Variants in TTC27 observed in about 807,000 individuals in gnomAD.
TTC27 encodes tetratricopeptide repeat protein 27.
TTC27 carries 79 observed loss-of-function variants against 115.9 expected under a neutral mutation model. That is an observed-to-expected ratio of 0.68 (90% confidence interval 0.57 to 0.82). TTC27 has a LOEUF of 0.82. Among genes scored for constraint, TTC27 ranks in the 40% least tolerant of loss-of-function variants. The probability of loss-of-function intolerance (pLI) is 0.00; values close to 1 mark genes in which losing one functional copy is unlikely to be tolerated. For missense variants in TTC27, 1,054 were observed against 993.1 expected, an observed-to-expected ratio of 1.06 and a Z score of -0.82; for synonymous variants, 401 against 356.0, an observed-to-expected ratio of 1.13 and a Z score of -1.42.
At chr2:32,746,890 C>G (rs1572572209) in intron 12 of TTC27, among the ~76,000 whole-genome samples, 2 of 152,146 alleles carry the variant, frequency 1.3e-5, no homozygotes, top group Non-Finnish European at 2.9e-5. Context: ...CAGCATTGCC[C>G]TTGGGAAAGA....
intron 18 of TTC27, among the ~76,000 whole-genome samples, chr2:32,816,712 A>G (rs963547680): frequency 6.6e-6 from 1 of 152,176 alleles, no homozygotes; most frequent in Non-Finnish European, 1.5e-5. Flanking sequence ...CGTTCTCTAC[A>G]TGAAGACACA....
intron 14 of TTC27, among the ~76,000 whole-genome samples, chr2:32,781,625 C>T (rs1670182162): frequency 1.3e-5 from 2 of 151,806 alleles, no homozygotes; most frequent in South Asian, 4.2e-4. Context: ...AAAAAAAAAT[C>T]AATGGAGATG....
At chr2:32,668,485 G>GT (rs963086415) in intron 7 of TTC27, among the ~76,000 whole-genome samples, 6 of 148,722 alleles carry the variant, frequency 4.0e-5, no homozygotes, top group South Asian at 2.1e-4. Context: ...AATTTTAATC[G>GT]TTTTTTTGCT....
At chr2:32,778,196 G>A (rs762292312) in intron 14 of TTC27, among the ~76,000 whole-genome samples, 10 of 152,086 alleles carry the variant, frequency 6.6e-5, no homozygotes, top group African/African-American at 9.7e-5. Context: ...CAATTTTCTT[G>A]TTAAAAATAT....
At chr2:32,726,035 G>A (rs1572552345) in intron 10 of TTC27, among the ~76,000 whole-genome samples, 1 of 151,958 alleles carries the variant, frequency 6.6e-6, no homozygotes, top group South Asian at 2.1e-4. Context: ...GGGACACAGG[G>A]CACCAAGTCC....
chr2:32,782,766 C>T (rs1465425066), intron 15 of TTC27, 88 bp downstream of exon 15: 3 of 1,043,088 alleles, frequency 2.9e-6, no homozygotes, highest in Admixed American at 2.1e-5. Flanking sequence ...CAATGTTTCT[C>T]CTTGTTTTAC....
At chr2:32,724,552 C>T (rs1397792790) in intron 10 of TTC27, among the ~76,000 whole-genome samples, 1 of 151,970 alleles carries the variant, frequency 6.6e-6, no homozygotes, top group African/African-American at 2.4e-5. Context: ...ATTATTTTGT[C>T]ATCTTTACCC....
In TTC27 at chr2:32,743,442, G is replaced by C. The variant is rs917085611; in HGVS notation, c.1452+6626G>C. On this transcript the variant is annotated intron_variant, in intron 12 of 19. Transcript: ENST00000317907. ...GAGTGCTTCCTGGAATCCTAGTGGT[G>C]CTTAGGGTAGGATCTTCTCTCCCAC... Among the ~76,000 whole-genome samples, 7 of 152,138 alleles carry C rather than the reference G, an allele frequency of 4.6e-5. No individual in the cohort carries two copies. The East Asian group carries it at 1.3e-3, about 29-fold the overall frequency.
chr2:32,762,427 G>A (rs1447919339), intron 13 of TTC27, among the ~76,000 whole-genome samples: 6 of 151,970 alleles, frequency 3.9e-5, no homozygotes, highest in Non-Finnish European at 8.8e-5. Context: ...GCTGTGAAAC[G>A]TCTTCAATGT....
At chr2:32,678,357 T>C (rs1666293208) in intron 8 of TTC27, among the ~76,000 whole-genome samples, 1 of 152,084 alleles carries the variant, frequency 6.6e-6, no homozygotes, top group African/African-American at 2.4e-5. Context: ...TTATACCTTA[T>C]ATCTTTGACA....
intron 5 of TTC27, among the ~76,000 whole-genome samples, chr2:32,656,632 C>T (rs554204508): frequency 1.3e-5 from 2 of 152,172 alleles, no homozygotes; most frequent in African/African-American, 4.8e-5. Flanking sequence ...TTGCTCACTC[C>T]GAGGATATTA....
chr2:32,637,602 A>C (rs1664478211), intron 3 of TTC27, among the ~76,000 whole-genome samples: 1 of 152,150 alleles, frequency 6.6e-6, no homozygotes. Context: ...AAGTGCTGAG[A>C]TTCCAGGTGT....
chr2:32,634,751 G>A (rs1664348363), intron 3 of TTC27, among the ~76,000 whole-genome samples: 1 of 151,938 alleles, frequency 6.6e-6, no homozygotes, highest in Non-Finnish European at 1.5e-5. Context: ...CTGCCCCATG[G>A]GTTCAAGCAA....
chr2:32,674,407 T>G (rs1469286620), intron 8 of TTC27, among the ~76,000 whole-genome samples: 1 of 152,134 alleles, frequency 6.6e-6, no homozygotes, highest in Non-Finnish European at 1.5e-5. Context: ...CGCCTCAGCC[T>G]CCCAAAGTGC....
At chr2:32,758,653 A>G in intron 13 of TTC27, 134 bp downstream of exon 13, 1 of 795,528 alleles carries the variant, frequency 1.3e-6, no homozygotes, top group Admixed American at 3.1e-5. Context: ...CTTAGTCTCT[A>G]ATAGACTTTT....
At chr2:32,654,931 A>C (rs1354004136) in intron 5 of TTC27, among the ~76,000 whole-genome samples, 3 of 150,378 alleles carry the variant, frequency 2.0e-5, no homozygotes, top group African/African-American at 7.4e-5. Context: ...CCTGACCTCA[A>C]ATGATCCATC....
rs755797289 is a variant in TTC27 at position 32,786,965 on chromosome 2, A to T, written c.1833-19A>T. On this transcript the variant is annotated intron_variant, in intron 15 of 19. Coordinates refer to ENST00000317907, the MANE Select transcript of TTC27 (RefSeq NM_017735.5). ...AAAAGAGTTCATTATTGCTCTCTTT[A>T]AAATTTGACCTTCAATAGAGTAAAA... 29 of 1,591,884 alleles carry T rather than the reference A, an allele frequency of 1.8e-5. No homozygotes were observed. The highest frequency in any genetic ancestry group is 2.5e-5 in the Non-Finnish European group (29 of 1,172,768).
chr2:32,694,674 CTT>C (rs200028307), intron 9 of TTC27, among the ~76,000 whole-genome samples: 4 of 135,526 alleles, frequency 3.0e-5, no homozygotes, highest in Non-Finnish European at 3.1e-5. Flanking sequence ...ATTCCTATTT[CTT>C]TTTTTTTTTT....
chr2:32,660,413 G>A (rs1294130462), intron 5 of TTC27, among the ~76,000 whole-genome samples: 5 of 152,164 alleles, frequency 3.3e-5, no homozygotes, highest in East Asian at 3.9e-4. Flanking sequence ...AATACCATGC[G>A]GCTATAAAAA....
Sources: gnomAD v4.1 joint callset for allele counts (sites outside exome capture counted in the v4.1 genomes callset) on GRCh38, gnomAD v4.1.1 for gene constraint, MANE v1.5 for transcripts, NCBI Gene and HGNC (gene_info 2026-07-23, HGNC 2026-07-21) for gene names.